Variants in RNF111 observed in about 807,000 individuals in gnomAD.
RNF111 encodes ring finger protein 111.
In RNF111, 17 loss-of-function variants were observed where a neutral mutation model predicts 95.1. The observed-to-expected ratio is 0.18, with a 90% CI of 0.12 to 0.27. The LOEUF is 0.27. RNF111 is among the 10% of genes least tolerant of loss of function. The pLI is 1.00. For missense variants in RNF111, 1,189 were observed against 1,210.4 expected, an observed-to-expected ratio of 0.98 and a Z score of 0.26; for synonymous variants, 440 against 414.8, an observed-to-expected ratio of 1.06 and a Z score of -0.74.
intron 1 of RNF111, among the ~76,000 whole-genome samples, chr15:59,007,593 G>A (rs1469786765): frequency 6.6e-6 from 1 of 152,174 alleles, no homozygotes; most frequent in Non-Finnish European, 1.5e-5. Flanking sequence ...TACGTTAGAT[G>A]TGTGCATAAC....
intron 1 of RNF111, among the ~76,000 whole-genome samples, chr15:59,018,324 A>T (rs2040168985): frequency 6.6e-6 from 1 of 152,210 alleles, no homozygotes; most frequent in African/African-American, 2.4e-5. Context: ...CTATTCTGTC[A>T]TTAAGGTGTC....
chr15:58,993,169 C>CA (rs1260724125), intron 1 of RNF111, among the ~76,000 whole-genome samples: 4 of 150,350 alleles, frequency 2.7e-5, no homozygotes, highest in African/African-American at 4.9e-5. Flanking sequence ...GATTCCATCT[C>CA]AAAAAAAAGA....
chr15:59,078,298 G>A (rs2078626558), intron 7 of RNF111, among the ~76,000 whole-genome samples: 1 of 152,144 alleles, frequency 6.6e-6, no homozygotes, highest in African/African-American at 2.4e-5. Context: ...TGAAAGGTTT[G>A]TGGTCTTGAT....
chr15:59,072,135 T>C lies in RNF111; in HGVS notation c.1687-3819T>C, dbSNP rs796529435. Among the ~76,000 whole-genome samples, 10 of 152,196 alleles carry C rather than the reference T, an allele frequency of 6.6e-5. No individual in the cohort carries two copies. In the East Asian group the frequency reaches 1.7e-3, roughly 26 times the overall value. On this transcript the variant is annotated intron_variant, in intron 6 of 13. Coordinates refer to ENST00000348370, the MANE Select transcript of RNF111 (RefSeq NM_017610.8). ...TCTGAGACTTCAGCAAATTGTAAACTTTTTGCTGATGGAGGGTCTTGCCTT... is the reference window on the plus strand; with the variant it reads ...TCTGAGACTTCAGCAAATTGTAAACCTTTTGCTGATGGAGGGTCTTGCCTT...
At chr15:59,081,740 A>C (rs1177453198) in intron 8 of RNF111, among the ~76,000 whole-genome samples, 5 of 151,884 alleles carry the variant, frequency 3.3e-5, no homozygotes, top group Admixed American at 6.6e-5. Context: ...TAGAAAACAA[A>C]AGATAGGTGG....
rs562395707 is a variant in RNF111, at chr15:59,017,979, G to A, written c.-19-12825G>A. On this transcript the variant is annotated intron_variant, in intron 1 of 13. Coordinates refer to ENST00000348370, the MANE Select transcript of RNF111 (RefSeq NM_017610.8). The stretch of plus-strand genomic sequence containing the variant: ...TCATCATGTTGGCCAGGCTGGTCTC[G>A]AACTCCTGACCTCAGGTGACCCACC... 3.6e-3 allele frequency among the ~76,000 whole-genome samples: 541 copies of A among 151,940 alleles called. 1 individual carries two copies. Among genetic ancestry groups the A allele is most frequent in the African/African-American group, 0.013 (523 of 41,456 alleles).
intron 6 of RNF111, among the ~76,000 whole-genome samples, chr15:59,073,389 G>A (rs1235487949): frequency 6.6e-6 from 1 of 151,804 alleles, no homozygotes; most frequent in African/African-American, 2.4e-5. Context: ...GCTGAGGTAA[G>A]ATAATTGCCT....
At position 59,085,761 on chromosome 15, in the gene RNF111, A is replaced by G. The variant is rs760874984; in HGVS notation, c.2526A>G (p.Leu842=). 2.3e-5 allele frequency: 37 copies of G among 1,613,274 alleles called. No individual in the cohort carries two copies. Among genetic ancestry groups the G allele is most frequent in the South Asian group, 1.6e-4 (15 of 91,064 alleles). ...HYHAPPRLHH[L]QLGALPLMVP... is the part of the protein sequence containing the mutation. The stretch of plus-strand genomic sequence containing the variant: ...ACGCACCTCCTCGACTTCATCACTT[A>G]CAATTAGGAGCTCTTCCTTTAATGG... Residue 842 remains leucine (L), a synonymous_variant, in exon 10 of 14, where the codon TTA becomes TTG. Transcript: ENST00000348370.
intron 1 of RNF111, among the ~76,000 whole-genome samples, chr15:59,027,108 A>G (rs1158951054): frequency 6.6e-6 from 1 of 152,180 alleles, no homozygotes; most frequent in Non-Finnish European, 1.5e-5. Context: ...TGTTCTCAGA[A>G]TTTGTCTGGT....
chr15:59,025,729 TTTTTTTC>T (rs1413332451), intron 1 of RNF111, among the ~76,000 whole-genome samples: 1 of 152,134 alleles, frequency 6.6e-6, no homozygotes, highest in African/African-American at 2.4e-5. Context: ...TATGGCTTTT[TTTTTTTC>T]TTTTTTCTTT....
intron 6 of RNF111, among the ~76,000 whole-genome samples, chr15:59,068,646 G>C (rs1368887889): frequency 6.6e-6 from 1 of 151,780 alleles, no homozygotes; most frequent in Non-Finnish European, 1.5e-5. Context: ...TGTCACTCTT[G>C]TTGCCTAGGA....
chr15:59,062,457 G>C (rs2042481238), intron 5 of RNF111, among the ~76,000 whole-genome samples: 1 of 152,070 alleles, frequency 6.6e-6, no homozygotes, highest in Non-Finnish European at 1.5e-5. Flanking sequence ...TCTCCATGTG[G>C]TCCTTGTGTT....
At chr15:59,058,620 A>C in intron 5 of RNF111, 70 bp downstream of exon 5, 2 of 1,377,338 alleles carry the variant, frequency 1.5e-6, no homozygotes, top group Non-Finnish European at 2.1e-6. Flanking sequence ...TATTGTTTTT[A>C]AGTCTAAGAT....
chr15:59,080,024 C>T (rs1357905871), intron 7 of RNF111, among the ~76,000 whole-genome samples: 2 of 150,846 alleles, frequency 1.3e-5, no homozygotes, highest in South Asian at 2.1e-4. Flanking sequence ...CACATACAAG[C>T]GGTCAAGAAA....
intron 1 of RNF111, among the ~76,000 whole-genome samples, chr15:59,015,844 A>G (rs1191422002): frequency 6.6e-6 from 1 of 152,012 alleles, no homozygotes. Context: ...TAGCATGTTT[A>G]TAACGTATTC....
chr15:59,078,355 T>C (rs576817212), intron 7 of RNF111, among the ~76,000 whole-genome samples: 5 of 152,290 alleles, frequency 3.3e-5, no homozygotes, highest in East Asian at 3.9e-4. Context: ...TTAAAAGTTT[T>C]ACTATCTTAT....
At chr15:59,014,589 A>C (rs944899334) in intron 1 of RNF111, among the ~76,000 whole-genome samples, 1 of 152,116 alleles carries the variant, frequency 6.6e-6, no homozygotes, top group Non-Finnish European at 1.5e-5. Context: ...AGAAATGTAT[A>C]CTTGTTTTAG....
chr15:59,004,476 C>T (rs2039453547), intron 1 of RNF111, among the ~76,000 whole-genome samples: 1 of 152,112 alleles, frequency 6.6e-6, no homozygotes, highest in African/African-American at 2.4e-5. Flanking sequence ...TTTTTATCAC[C>T]TTGATCAGTG....
chr15:59,057,852 C>T (rs371943932), intron 4 of RNF111, among the ~76,000 whole-genome samples: 1 of 152,154 alleles, frequency 6.6e-6, no homozygotes, highest in African/African-American at 2.4e-5. Flanking sequence ...GATGCTTTCC[C>T]AGTTCTACAG....
Sources: gnomAD v4.1 joint callset for allele counts (sites outside exome capture counted in the v4.1 genomes callset) on GRCh38, gnomAD v4.1.1 for gene constraint, MANE v1.5 for transcripts, NCBI Gene and HGNC (gene_info 2026-07-23, HGNC 2026-07-21) for gene names.